The following KLF12 variants were observed in gnomAD, a reference collection of about 807,000 sequenced individuals.
KLF12 encodes the protein KLF transcription factor 12, also known as Krueppel-like factor 12.
KLF12 carries 9 observed loss-of-function variants against 37.8 expected under a neutral mutation model. That is an observed-to-expected ratio of 0.24 (90% confidence interval 0.14 to 0.42). The LOEUF (loss-of-function observed/expected upper bound fraction) is 0.42. KLF12 is among the 10% of genes least tolerant of loss of function. The pLI is 1.00. For synonymous variants in KLF12, 208 were observed against 202.1 expected (o/e 1.03, Z -0.25); for missense variants, 411 against 516.0 (o/e 0.80, Z 1.97).
At chr13:74,049,972 T>G (rs1393687101) in intron 1 of KLF12, among the ~76,000 whole-genome samples, 3 of 151,216 alleles carry the variant, frequency 2.0e-5, no homozygotes, top group Admixed American at 6.6e-5. Context: ...TGATGGTGGT[T>G]TTGTTGTTGT....
At chr13:74,238,979 C>T in the KLF12 span, among the ~76,000 whole-genome samples, 2 of 149,870 alleles carry the variant, frequency 1.3e-5, no homozygotes, top group African/African-American at 5.0e-5. Flanking sequence ...TTGCCTTCTG[C>T]TAGCTTTTGA....
At chr13:74,301,362 C>T in the KLF12 span, among the ~76,000 whole-genome samples, 1 of 152,134 alleles carries the variant, frequency 6.6e-6, no homozygotes, top group South Asian at 2.1e-4. Flanking sequence ...CCATAATTTC[C>T]ATGATGACAG....
rs758390136 is a variant in KLF12, at chr13:73,690,105, G to A, written c.*5385C>T. 6.6e-6 allele frequency: 1 copy of A among 152,462 alleles called. No homozygotes were observed. The highest frequency in any genetic ancestry group is 1.5e-5 in the Non-Finnish European group (1 of 67,958). The allele number at this position is 152,462 out of a possible 1,614,324, so 9.4% of individuals were successfully genotyped here. ...CATGTGAACAGATTTGATTTACTAT[G>A]TGTATGTATTTACTCTCTCTGTGTG... On this transcript the variant is annotated 3_prime_UTR_variant, in exon 8 of 8. Transcript: ENST00000377669.
chr13:73,764,640 C>T (rs760618510), intron 6 of KLF12, among the ~76,000 whole-genome samples: 1 of 151,126 alleles, frequency 6.6e-6, no homozygotes, highest in Admixed American at 6.6e-5. Context: ...TATGTACCTT[C>T]GAAAAAAAGG....
At chr13:74,019,786 CT>C (rs1444114009) in intron 1 of KLF12, among the ~76,000 whole-genome samples, 1 of 152,192 alleles carries the variant, frequency 6.6e-6, no homozygotes, top group Non-Finnish European at 1.5e-5. Context: ...GCCCCCTGGT[CT>C]TTTCTTTCAG....
intron 5 of KLF12, among the ~76,000 whole-genome samples, chr13:73,789,416 T>C (rs1881533529): frequency 6.6e-6 from 1 of 151,852 alleles, no homozygotes; most frequent in Admixed American, 6.6e-5. Context: ...TAAGCACCAA[T>C]TCTACACATA....
At chr13:74,038,505 G>A (rs1036542251) in intron 1 of KLF12, among the ~76,000 whole-genome samples, 12 of 152,122 alleles carry the variant, frequency 7.9e-5, no homozygotes, top group African/African-American at 2.7e-4. Flanking sequence ...AATCGTACTC[G>A]ACATGGAGAA....
At chr13:74,153,563 G>C in the KLF12 span, among the ~76,000 whole-genome samples, 1 of 152,134 alleles carries the variant, frequency 6.6e-6, no homozygotes, top group Non-Finnish European at 1.5e-5. Context: ...TTTTGGTCCA[G>C]CTGTTGCCTC....
intron 6 of KLF12, among the ~76,000 whole-genome samples, chr13:73,741,357 C>T (rs1566334076): frequency 6.6e-6 from 1 of 152,162 alleles, no homozygotes; most frequent in Non-Finnish European, 1.5e-5. Flanking sequence ...ACCAACAATG[C>T]TGTGAAGACC....
rs144925000 is a variant in KLF12, at chr13:74,022,058, C to T, written c.-31-27005G>A. Among the ~76,000 whole-genome samples the T allele has an allele frequency of 1.5e-3, 227 of 152,172 alleles. 1 individual carries two copies. Among genetic ancestry groups the T allele is most frequent in the African/African-American group, 4.8e-3 (198 of 41,500 alleles). On this transcript the variant is annotated intron_variant, in intron 1 of 7. Transcript: ENST00000377669. The stretch of plus-strand genomic sequence containing the variant: ...TTCCAAGTCATCTACATGCAAAAGA[C>T]CTGCTTTAAATCTGATCTTTTTGTG...
chr13:74,241,441 G>T, the KLF12 span, among the ~76,000 whole-genome samples: 1 of 152,154 alleles, frequency 6.6e-6, no homozygotes, highest in Admixed American at 6.5e-5. Flanking sequence ...ACAGAGGCAG[G>T]CAGGCCTCCT....
the KLF12 span, among the ~76,000 whole-genome samples, chr13:74,278,598 C>T: frequency 1.6e-4 from 24 of 152,142 alleles, no homozygotes; most frequent in Non-Finnish European, 3.1e-4. Flanking sequence ...TCCTTAAAAA[C>T]CCCCTCTTTT....
At chr13:73,895,852 G>A (rs916845033) in intron 3 of KLF12, among the ~76,000 whole-genome samples, 1 of 147,228 alleles carries the variant, frequency 6.8e-6, no homozygotes, top group Non-Finnish European at 1.5e-5. Flanking sequence ...ACAGAATCTC[G>A]CTCTGTCACA....
intron 3 of KLF12, among the ~76,000 whole-genome samples, chr13:73,928,878 C>T (rs910249852): frequency 6.6e-6 from 1 of 152,296 alleles, no homozygotes; most frequent in South Asian, 2.1e-4. Context: ...ACTAGGGTGT[C>T]AGATAATATA....
chr13:74,039,158 A>G (rs982020736), intron 1 of KLF12, among the ~76,000 whole-genome samples: 5 of 151,980 alleles, frequency 3.3e-5, no homozygotes, highest in Admixed American at 3.3e-4. Context: ...TGGTATTTTA[A>G]TTTATTAGTC....
chr13:73,714,450 G>C (rs1176783492), intron 7 of KLF12, among the ~76,000 whole-genome samples: 1 of 152,206 alleles, frequency 6.6e-6, no homozygotes, highest in African/African-American at 2.4e-5. Context: ...CCAGTCAGTG[G>C]CAGATGCTGT....
the KLF12 span, among the ~76,000 whole-genome samples, chr13:74,171,830 T>C: frequency 6.6e-6 from 1 of 152,302 alleles, no homozygotes; most frequent in East Asian, 1.9e-4. Flanking sequence ...CAAAGAATTA[T>C]TTCTGTTGCT....
chr13:74,010,376 T>G (rs901602492), intron 1 of KLF12, among the ~76,000 whole-genome samples: 2 of 152,170 alleles, frequency 1.3e-5, no homozygotes, highest in South Asian at 4.2e-4. Context: ...CGAACAATAA[T>G]TGCAGAGTTC....
At chr13:73,736,638 C>A (rs775965089) in intron 6 of KLF12, among the ~76,000 whole-genome samples, 1 of 152,172 alleles carries the variant, frequency 6.6e-6, no homozygotes, top group African/African-American at 2.4e-5. Context: ...ACAGGTAATG[C>A]GCAAATGCAC....
Sources: gnomAD v4.1 joint callset for allele counts (sites outside exome capture counted in the v4.1 genomes callset) on GRCh38, gnomAD v4.1.1 for gene constraint, MANE v1.5 for transcripts, NCBI Gene and HGNC (gene_info 2026-07-23, HGNC 2026-07-21) for gene names.